The following PARD3 variants were observed in gnomAD, a reference collection of about 807,000 sequenced individuals.
PARD3 encodes par-3 family cell polarity regulator, also known as partitioning defective 3 homolog.
Under a neutral mutation model 155.4 loss-of-function variants are expected in PARD3, and 75 were observed. That is an observed-to-expected ratio of 0.48 (90% confidence interval 0.40 to 0.58). PARD3 has a LOEUF of 0.58. Among genes scored for constraint, PARD3 ranks in the 20% least tolerant of loss-of-function variants. The probability of loss-of-function intolerance (pLI) is 0.00; values close to 1 mark genes in which losing one functional copy is unlikely to be tolerated. For missense variants in PARD3, 1,642 were observed against 1,721.7 expected (o/e 0.95, Z 0.82); for synonymous variants, 576 against 610.5 (o/e 0.94, Z 0.83).
Position 34,323,057 on chromosome 10 carries a change from T to C in PARD3, c.2834-5719A>G, listed in dbSNP as rs572147718. ...TGACCACTACCAATTTCTGTTAGTG[T>C]TAGGTAAAAAGATAATACAACTAAA... On this transcript the variant is annotated intron_variant, in intron 19 of 24. Coordinates refer to ENST00000374788, the MANE Select transcript of PARD3 (RefSeq NM_001184785.2). Among the ~76,000 whole-genome samples the C allele has an allele frequency of 6.6e-5, 10 of 152,314 alleles. 1 individual carries two copies. In the South Asian group the frequency reaches 2.1e-3, roughly 32 times the overall value.
intron 1 of PARD3, among the ~76,000 whole-genome samples, chr10:34,699,343 T>A (rs189350607): frequency 2.0e-5 from 3 of 151,828 alleles, no homozygotes; most frequent in African/African-American, 7.3e-5. Context: ...AAATAATAAA[T>A]AAAACATAAA....
At chr10:34,698,277 G>A (rs763559113) in intron 1 of PARD3, among the ~76,000 whole-genome samples, 10 of 152,034 alleles carry the variant, frequency 6.6e-5, no homozygotes, top group Non-Finnish European at 8.8e-5. Context: ...AAATAAATCC[G>A]CACCTATGGA....
intron 2 of PARD3, among the ~76,000 whole-genome samples, chr10:34,689,911 C>T (rs1180448728): frequency 2.0e-5 from 3 of 150,978 alleles, no homozygotes; most frequent in Non-Finnish European, 4.4e-5. Context: ...CATCATCCAC[C>T]TTACCCTCAC....
At chr10:34,520,853 G>A (rs1215453991) in intron 2 of PARD3, among the ~76,000 whole-genome samples, 2 of 152,088 alleles carry the variant, frequency 1.3e-5, no homozygotes, top group African/African-American at 4.8e-5. Context: ...TACCTTTGTA[G>A]CCTCAAAAAA....
chr10:34,345,842 A>AC (rs750220512), intron 15 of PARD3: 142 of 984,964 alleles, frequency 1.4e-4, no homozygotes, highest in Admixed American at 4.3e-4. Flanking sequence ...TTTGATTCTT[A>AC]CGGCCAAAGA....
At chr10:34,568,410 G>A (rs2086128733) in intron 2 of PARD3, among the ~76,000 whole-genome samples, 1 of 152,018 alleles carries the variant, frequency 6.6e-6, no homozygotes, top group African/African-American at 2.4e-5. Context: ...TCAAAATCTT[G>A]CTCGTTTTGA....
At chr10:34,498,400 A>C (rs977746951) in intron 3 of PARD3, among the ~76,000 whole-genome samples, 1 of 152,232 alleles carries the variant, frequency 6.6e-6, no homozygotes, top group Admixed American at 6.5e-5. Context: ...TCACTGTCCC[A>C]TGAGTTTTAT....
At chr10:34,450,546 C>T (rs1283942565) in intron 4 of PARD3, 98 bp from the exon 5 acceptor site, 5 of 1,136,146 alleles carry the variant, frequency 4.4e-6, no homozygotes, top group Admixed American at 2.4e-5. Flanking sequence ...AATGATTCTA[C>T]ATATTTAAAA....
intron 5 of PARD3, among the ~76,000 whole-genome samples, chr10:34,437,663 TA>T (rs1036206623): frequency 3.9e-5 from 6 of 152,072 alleles, no homozygotes; most frequent in Non-Finnish European, 8.8e-5. Context: ...CTGGACTCTC[TA>T]AAGAAAAAAA....
intron 21 of PARD3, among the ~76,000 whole-genome samples, chr10:34,282,803 T>C (rs978367137): frequency 2.0e-5 from 3 of 152,128 alleles, no homozygotes; most frequent in African/African-American, 7.2e-5. Context: ...AGTCACTAAA[T>C]GCTATGGCAC....
At chr10:34,583,678 G>A (rs2087720873) in intron 2 of PARD3, among the ~76,000 whole-genome samples, 1 of 152,074 alleles carries the variant, frequency 6.6e-6, no homozygotes, top group Non-Finnish European at 1.5e-5. Context: ...TCTTCCAGAG[G>A]TTACTGCACA....
chr10:34,317,804 A>AC (rs1247007935), intron 19 of PARD3, among the ~76,000 whole-genome samples: 1 of 152,210 alleles, frequency 6.6e-6, no homozygotes, highest in African/African-American at 2.4e-5. Flanking sequence ...GCTGGACTAC[A>AC]CCATTCAATG....
At chr10:34,343,458 T>C (rs559278155) in intron 15 of PARD3, 2 of 981,272 alleles carry the variant, frequency 2.0e-6, no homozygotes, top group African/African-American at 1.7e-5. Context: ...ATTGTATACA[T>C]AGATAAATGG....
intron 23 of PARD3, among the ~76,000 whole-genome samples, chr10:34,128,429 T>C (rs1041280476): frequency 7.9e-5 from 12 of 152,252 alleles, no homozygotes; most frequent in African/African-American, 2.9e-4. Context: ...TTTATATTAC[T>C]GTAAGAATAC....
intron 2 of PARD3, among the ~76,000 whole-genome samples, chr10:34,531,083 G>A (rs2082816313): frequency 6.6e-6 from 1 of 152,168 alleles, no homozygotes; most frequent in Admixed American, 6.5e-5. Flanking sequence ...TCCTTTCAAG[G>A]CTCAGGGGTT....
intron 1 of PARD3, among the ~76,000 whole-genome samples, chr10:34,780,572 C>T (rs547747411): frequency 1.3e-5 from 2 of 152,246 alleles, no homozygotes; most frequent in East Asian, 3.9e-4. Context: ...AAATCGTGCC[C>T]TGCTGTTAAA....
intron 2 of PARD3, among the ~76,000 whole-genome samples, chr10:34,571,450 A>G (rs2086397748): frequency 1.3e-5 from 2 of 152,242 alleles, no homozygotes; most frequent in South Asian, 2.1e-4. Flanking sequence ...TAACATTGAC[A>G]TGCATTGTTC....
intron 21 of PARD3, among the ~76,000 whole-genome samples, chr10:34,280,627 A>G (rs1168648054): frequency 6.6e-6 from 1 of 152,182 alleles, no homozygotes; most frequent in Non-Finnish European, 1.5e-5. Flanking sequence ...ACTTGCTCGC[A>G]GTTCTGGAAA....
At chr10:34,792,937 A>C (rs4934659) in intron 1 of PARD3, among the ~76,000 whole-genome samples, 53,678 of 152,102 alleles carry the variant, frequency 0.35, 10,618 homozygotes, top group African/African-American at 0.55. Flanking sequence ...TTGTACAGTG[A>C]TTCTTTATAT....
Sources: gnomAD v4.1 joint callset for allele counts (sites outside exome capture counted in the v4.1 genomes callset) on GRCh38, gnomAD v4.1.1 for gene constraint, MANE v1.5 for transcripts, NCBI Gene and HGNC (gene_info 2026-07-23, HGNC 2026-07-21) for gene names.